The following PTPRS variants were observed in gnomAD, a reference collection of about 807,000 sequenced individuals.
The protein encoded by PTPRS is protein tyrosine phosphatase receptor type S.
In PTPRS, 63 loss-of-function variants were observed where a neutral mutation model predicts 215.3. The observed-to-expected ratio is 0.29, with a 90% confidence interval of 0.24 to 0.36. The LOEUF (loss-of-function observed/expected upper bound fraction) is 0.36, where lower values mean the gene tolerates loss of function less well. PTPRS is among the 10% of genes least tolerant of loss of function. The pLI, the probability that PTPRS is intolerant of heterozygous loss-of-function variation, is 1.00. For synonymous variants in PTPRS, 1,404 were observed against 1,191.4 expected (o/e 1.18, Z -3.68); for missense variants, 2,258 against 2,825.8 (o/e 0.80, Z 4.56).
At chr19:5,285,137 C>T (rs1298384473) in intron 2 of PTPRS, among the ~76,000 whole-genome samples, 1 of 152,122 alleles carries the variant, frequency 6.6e-6, no homozygotes, top group African/African-American at 2.4e-5. Context: ...CACAAGAATG[C>T]TGGATGTGGA....
chr19:5,247,934 TGGAG>T (rs1225752822), intron 9 of PTPRS, among the ~76,000 whole-genome samples: 1 of 145,758 alleles, frequency 6.9e-6, no homozygotes, highest in East Asian at 2.0e-4. Context: ...GGAGACAGGA[TGGAG>T]GGAGTGGAGG....
chr19:5,216,769 TGCAAACA>T lies in PTPRS; in HGVS notation c.4049-9_4049-3del. 1 of 1,562,616 alleles carries T rather than the reference TGCAAACA, an allele frequency of 6.4e-7. No individual in the cohort carries two copies. The highest frequency in any genetic ancestry group is 2.4e-5 in the East Asian group (1 of 42,270). ...TGAGGGGGCTCCTGAGGCCTGAATC[TGCAAACA>T]GCAAACAATAAATAAATGAAAACAT... is the stretch of plus-strand genomic sequence containing the variant. On this transcript the variant is annotated splice_polypyrimidine_tract_variant and splice_region_variant and intron_variant, in intron 25 of 37. Transcript: ENST00000262963.
At chr19:5,321,659 G>A (rs2147219133) in intron 1 of PTPRS, among the ~76,000 whole-genome samples, 1 of 152,350 alleles carries the variant, frequency 6.6e-6, no homozygotes, top group East Asian at 1.9e-4. Context: ...CTGAGACTGA[G>A]AAGTTCAGCT....
At chr19:5,240,745 A>T (rs2145884723) in intron 11 of PTPRS, among the ~76,000 whole-genome samples, 1 of 151,644 alleles carries the variant, frequency 6.6e-6, no homozygotes, top group Middle Eastern at 3.4e-3. Context: ...AGGCTGAGGC[A>T]GGAGAATGGT....
intron 1 of PTPRS, among the ~76,000 whole-genome samples, chr19:5,288,881 T>A (rs1423816983): frequency 6.6e-6 from 1 of 152,210 alleles, no homozygotes; most frequent in Non-Finnish European, 1.5e-5. Context: ...GAAGCCATGT[T>A]GGGCCCACAC....
In PTPRS at chr19:5,260,720, C is replaced by CT; in HGVS notation, c.595+84dup. 7 of 1,549,992 alleles carry CT rather than the reference C, an allele frequency of 4.5e-6. No individual in the cohort carries two copies. The East Asian group carries it at 1.6e-4, about 35-fold the overall frequency. On this transcript the variant is annotated intron_variant, in intron 7 of 37. Coordinates refer to ENST00000262963, the MANE Select transcript of PTPRS (RefSeq NM_002850.4). The stretch of plus-strand genomic sequence containing the variant: ...AGGGTGGACACGCATGGAAGGGGGC[C>CT]TGGGGGCAGGCCCTGTGGAGCCTGA...
intron 26 of PTPRS, among the ~76,000 whole-genome samples, chr19:5,215,953 G>A (rs1013880406): frequency 6.6e-6 from 1 of 152,144 alleles, no homozygotes; most frequent in Non-Finnish European, 1.5e-5. Flanking sequence ...CCAGTGCCTC[G>A]AGCCAAGAAG....
intron 1 of PTPRS, among the ~76,000 whole-genome samples, chr19:5,330,076 CAAAA>C (rs10690740): frequency 2.7e-5 from 2 of 74,450 alleles, no homozygotes; most frequent in African/African-American, 5.3e-5. Flanking sequence ...GACTCTGTCT[CAAAA>C]AAAAAAAAAA....
At chr19:5,305,939 C>CAAAAAAAAAAAAAAAAA (rs35165317) in intron 1 of PTPRS, among the ~76,000 whole-genome samples, 1 of 22,644 alleles carries the variant, frequency 4.4e-5, no homozygotes, top group Non-Finnish European at 6.9e-5. Flanking sequence ...GACTCCGTCT[C>CAAAAAAAAAAAAAAAAA]AAAAAAAAAA....
At chr19:5,321,186 T>C (rs1432133955) in intron 1 of PTPRS, among the ~76,000 whole-genome samples, 1 of 151,974 alleles carries the variant, frequency 6.6e-6, no homozygotes, top group Non-Finnish European at 1.5e-5. Flanking sequence ...GGCAGGAGGG[T>C]CAACTGAGCC....
intron 1 of PTPRS, among the ~76,000 whole-genome samples, chr19:5,288,497 G>A (rs1452002033): frequency 6.6e-6 from 1 of 152,202 alleles, no homozygotes; most frequent in Non-Finnish European, 1.5e-5. Context: ...AAGAGCAAAA[G>A]TTGCCAACGA....
intron 17 of PTPRS, among the ~76,000 whole-genome samples, chr19:5,225,459 A>G (rs995012395): frequency 6.6e-6 from 1 of 151,832 alleles, no homozygotes; most frequent in African/African-American, 2.4e-5. Flanking sequence ...TTGAGAGGGC[A>G]AAGGGGTCAG....
chr19:5,287,749 G>A lies in PTPRS; in HGVS notation c.-94-1515C>T, dbSNP rs560803887. ...CGGGTCACAGCCTAGGGTGACGAAC[G>A]GGATTCGGGGGGCCTCAGTGTACAT... On this transcript the variant is annotated intron_variant, in intron 1 of 37. Transcript: ENST00000262963. This position sits in a 1 kb window ranked among gnomAD's most constrained non-coding sequence, Gnocchi z 4.8. Among the ~76,000 whole-genome samples the A allele has an allele frequency of 3.9e-5, 6 of 152,258 alleles. No individual in the cohort carries two copies. The highest frequency in any genetic ancestry group is 2.1e-4 in the South Asian group (1 of 4,814).
chr19:5,239,581 T>G (rs1203329026), intron 12 of PTPRS, among the ~76,000 whole-genome samples: 29 of 116,760 alleles, frequency 2.5e-4, no homozygotes, highest in South Asian at 5.5e-4. Flanking sequence ...GACAGAGAAA[T>G]AGAGACAGAG....
intron 1 of PTPRS, among the ~76,000 whole-genome samples, chr19:5,318,710 T>C (rs113409132): frequency 0.012 from 1,764 of 152,304 alleles, 16 homozygotes; most frequent in Non-Finnish European, 0.015. Context: ...TGGAGTACAA[T>C]GGTGAGATCA....
In PTPRS at chr19:5,257,426, C is replaced by G. The variant is rs1166110269; in HGVS notation, c.706+591G>C. 2 of 458,200 alleles carry G rather than the reference C, an allele frequency of 4.4e-6. No individual in the cohort carries two copies. The highest frequency in any genetic ancestry group is 4.0e-5 in the African/African-American group (2 of 50,168). The allele number at this position is 458,200 out of a possible 1,614,324, so 28.4% of individuals were successfully genotyped here. A position where few individuals can be genotyped will look rare whatever the true frequency, so the allele number is the denominator to read the frequency against. ...CAGCCTCCCATCGGCCTGGACTGCC[C>G]TTCTCGGAGAGTCATTAGGAAGAGG... On this transcript the variant is annotated intron_variant, in intron 8 of 37. Transcript: ENST00000262963. This position sits in a 1 kb window ranked among gnomAD's most constrained non-coding sequence, Gnocchi z 4.4.
rs780426539 is a variant in PTPRS, at chr19:5,258,005, G to C, written c.706+12C>G. On this transcript the variant is annotated intron_variant, in intron 8 of 37. Transcript: ENST00000262963. ...GGGTCCCTGCCTTTGACCTGGACGC[G>C]GCGTTCCCTACCTCGCACGTAGAGG... The C allele has an allele frequency of 6.2e-7, 1 of 1,609,808 alleles. No homozygotes were observed. The highest frequency in any genetic ancestry group is 8.5e-7 in the Non-Finnish European group (1 of 1,176,976).
chr19:5,221,128 G>A lies in PTPRS; in HGVS notation c.3327C>T (p.Leu1109=). 1 of 1,614,052 alleles carries A rather than the reference G, an allele frequency of 6.2e-7. No homozygotes were observed. Among genetic ancestry groups the A allele is most frequent in the East Asian group, 2.2e-5 (1 of 44,870 alleles). Reference sequence around the variant, plus strand: ...CAGTCCAGGCGGTGACCGTCTGCTGGAGGCCGCCCAGGCTGCTGCCGCGAT... The same window carrying A: ...CAGTCCAGGCGGTGACCGTCTGCTGAAGGCCGCCCAGGCTGCTGCCGCGAT... ...LTNRGSSLGG[L]QQTVTAWTAF... Residue 1109 remains leucine (L), a synonymous_variant, in exon 20 of 38, where the codon CTC becomes CTT. Transcript: ENST00000262963.
At chr19:5,222,633 T>TGGGGGGGGGGGGG (rs2042095046) in intron 18 of PTPRS, 56 bp downstream of exon 18, 1 of 468,366 alleles carries the variant, frequency 2.1e-6, no homozygotes. Flanking sequence ...GGGGCTGGGG[T>TGGGGGGGGGGGGG]GGGGGTGGGC....
Sources: allele counts gnomAD v4.1 joint callset (sites outside exome capture counted in the v4.1 genomes callset), GRCh38; gene constraint gnomAD v4.1.1; non-coding constraint Gnocchi (gnomAD v3.1); transcripts MANE v1.5; gene names NCBI Gene and HGNC (gene_info 2026-07-23, HGNC 2026-07-21).